The following FOXP2 variants were observed in gnomAD, a reference collection of about 807,000 sequenced individuals.
FOXP2 encodes the protein forkhead box protein P2.
FOXP2 carries 12 observed loss-of-function variants against 115.8 expected under a neutral mutation model. The observed-to-expected ratio is 0.10, with a 90% CI of 0.07 to 0.17. FOXP2 has a LOEUF of 0.17. Among genes scored for constraint, FOXP2 ranks in the 10% least tolerant of loss-of-function variants. The pLI is 1.00. For missense variants in FOXP2, 629 were observed against 843.5 expected, an observed-to-expected ratio of 0.75 and a Z score of 3.15; for synonymous variants, 328 against 297.7, an observed-to-expected ratio of 1.10 and a Z score of -1.05.
chr7:114,628,406 G>A lies in FOXP2; in HGVS notation c.259-134G>A. On this transcript the variant is annotated intron_variant, in intron 3 of 16. Transcript: ENST00000350908. ...TTAGTACTATTGTAAAGAAGTTATA[G>A]TAAAATGTGACGTAAAAATTATTGA... 9.9e-6 allele frequency: 12 copies of A among 1,208,412 alleles called. No individual in the cohort carries two copies. The South Asian group carries it at 1.5e-4, about 15-fold the overall frequency. The allele number at this position is 1,208,412 out of a possible 1,614,324, so 74.9% of individuals were successfully genotyped here.
At chr7:114,170,354 A>G (rs1312409212) in intron 1 of FOXP2, among the ~76,000 whole-genome samples, 2 of 152,164 alleles carry the variant, frequency 1.3e-5, no homozygotes, top group Admixed American at 6.5e-5. Flanking sequence ...AAAAACAACG[A>G]TGTTGAAATT....
intron 2 of FOXP2, among the ~76,000 whole-genome samples, chr7:114,399,114 C>CTTTTTTTTTTTTTTTTT (rs66789053): frequency 7.1e-6 from 1 of 141,408 alleles, no homozygotes. Context: ...TTTTCTTTTT[C>CTTTTTTTTTTTTTTTTT]TTTTTTTTTT....
At chr7:114,614,336 C>T (rs1803809836) in intron 3 of FOXP2, among the ~76,000 whole-genome samples, 1 of 152,140 alleles carries the variant, frequency 6.6e-6, no homozygotes, top group South Asian at 2.1e-4. Flanking sequence ...GAGATATTTT[C>T]TACCAACTGT....
chr7:114,610,503 G>A (rs1045315623), intron 3 of FOXP2, among the ~76,000 whole-genome samples: 2 of 152,028 alleles, frequency 1.3e-5, no homozygotes, highest in African/African-American at 4.8e-5. Context: ...TGTTAACATT[G>A]TACATACATG....
At chr7:114,483,076 C>CT (rs1796626396) in intron 2 of FOXP2, among the ~76,000 whole-genome samples, 1 of 151,582 alleles carries the variant, frequency 6.6e-6, no homozygotes, top group Non-Finnish European at 1.5e-5. Context: ...AATAGTACAT[C>CT]TCCTTCCGCA....
At chr7:114,367,744 C>T (rs543628953) in intron 2 of FOXP2, among the ~76,000 whole-genome samples, 2 of 152,202 alleles carry the variant, frequency 1.3e-5, no homozygotes, top group African/African-American at 2.4e-5. Context: ...ATTGATATTT[C>T]GTTTCTCTAA....
At chr7:114,141,014 G>T (rs1444709809) in intron 1 of FOXP2, among the ~76,000 whole-genome samples, 4 of 152,180 alleles carry the variant, frequency 2.6e-5, no homozygotes, top group African/African-American at 7.2e-5. Flanking sequence ...CAATAATTTA[G>T]CTTGCTGTTG....
chr7:114,098,162 G>C (rs1226022855), intron 1 of FOXP2, among the ~76,000 whole-genome samples: 1 of 152,172 alleles, frequency 6.6e-6, no homozygotes, highest in Non-Finnish European at 1.5e-5. Context: ...AGAAACCGGG[G>C]AGACGATAAG....
Position 114,593,826 on chromosome 7 carries a change from C to A in FOXP2, c.259-34714C>A, listed in dbSNP as rs557653818. Among the ~76,000 whole-genome samples, 4 of 152,008 alleles carry A rather than the reference C, an allele frequency of 2.6e-5. No individual in the cohort carries two copies. In the East Asian group the frequency reaches 7.7e-4, roughly 29 times the overall value. ...AAGCAGTTTATATTGCAAATAAGTTCTATGCTTCATTTTATATATATGATG... is the reference window on the plus strand; with the variant it reads ...AAGCAGTTTATATTGCAAATAAGTTATATGCTTCATTTTATATATATGATG... On this transcript the variant is annotated intron_variant, in intron 3 of 16. Transcript: ENST00000350908.
At chr7:114,642,275 ATT>A in intron 6 of FOXP2, 133 bp from the exon 7 acceptor site, 1 of 722,848 alleles carries the variant, frequency 1.4e-6, no homozygotes, top group Non-Finnish European at 2.4e-6. Context: ...TGTAAAAGTG[ATT>A]TTTTGTTGTA....
chr7:114,261,606 C>T (rs1795754499), intron 1 of FOXP2, among the ~76,000 whole-genome samples: 1 of 152,118 alleles, frequency 6.6e-6, no homozygotes, highest in African/African-American at 2.4e-5. Flanking sequence ...AATTATTTCT[C>T]TCATCTGTTT....
intron 2 of FOXP2, among the ~76,000 whole-genome samples, chr7:114,395,105 A>G (rs1042614260): frequency 4.6e-5 from 7 of 152,194 alleles, no homozygotes; most frequent in Admixed American, 2.0e-4. Flanking sequence ...CTATACTTAC[A>G]ACTTTTCTGT....
At chr7:114,255,101 A>G (rs1429821227) in intron 1 of FOXP2, among the ~76,000 whole-genome samples, 2 of 152,180 alleles carry the variant, frequency 1.3e-5, no homozygotes, top group East Asian at 3.9e-4. Flanking sequence ...AGGCTGCAGA[A>G]CAGCGAATAT....
In FOXP2 at chr7:114,459,664, G is replaced by T. The variant is rs180752260; in HGVS notation, c.168+32985G>T. Among the ~76,000 whole-genome samples the T allele has an allele frequency of 2.6e-5, 4 of 152,272 alleles. No homozygotes were observed. The East Asian group carries it at 5.8e-4, about 22-fold the overall frequency. ...GGAGTCTCACTCAGCCGCCCAGGCTGGAATGTAGTGGTGTGATCTCGGCTC... is the reference window on the plus strand; with the variant it reads ...GGAGTCTCACTCAGCCGCCCAGGCTTGAATGTAGTGGTGTGATCTCGGCTC... On this transcript the variant is annotated intron_variant, in intron 2 of 16. Coordinates refer to ENST00000350908, the MANE Select transcript of FOXP2 (RefSeq NM_014491.4).
intron 10 of FOXP2, chr7:114,656,632 T>C: frequency 3.0e-6 from 1 of 330,988 alleles, no homozygotes; most frequent in South Asian, 2.3e-5. Context: ...TCTGCTGGCT[T>C]AGAGTATGAA....
At chr7:114,445,706 C>A (rs1794803552) in intron 2 of FOXP2, among the ~76,000 whole-genome samples, 1 of 151,926 alleles carries the variant, frequency 6.6e-6, no homozygotes, top group African/African-American at 2.4e-5. Context: ...TACACAGTTT[C>A]TAATTTAAGC....
chr7:114,657,762 G>C (rs1563064165), intron 10 of FOXP2, among the ~76,000 whole-genome samples: 1 of 152,188 alleles, frequency 6.6e-6, no homozygotes, highest in Non-Finnish European at 1.5e-5. Flanking sequence ...AACAGGGGCA[G>C]TCGATAATCA....
intron 1 of FOXP2, among the ~76,000 whole-genome samples, chr7:114,096,820 A>T (rs1400643914): frequency 6.6e-6 from 1 of 152,194 alleles, no homozygotes; most frequent in Non-Finnish European, 1.5e-5. Context: ...AGTAATACAA[A>T]ATTTTAATGT....
intron 2 of FOXP2, among the ~76,000 whole-genome samples, chr7:114,458,684 T>G (rs1358256315): frequency 1.3e-5 from 2 of 151,436 alleles, no homozygotes; most frequent in Non-Finnish European, 2.9e-5. Flanking sequence ...AGTAGCATGA[T>G]CCACCACACG....
Sources: allele counts gnomAD v4.1 joint callset (sites outside exome capture counted in the v4.1 genomes callset), GRCh38; gene constraint gnomAD v4.1.1; transcripts MANE v1.5; gene names NCBI Gene and HGNC (gene_info 2026-07-23, HGNC 2026-07-21).